Variants in BRD10 observed in about 807,000 individuals in gnomAD.
BRD10 encodes the protein uncharacterized bromodomain-containing protein 10.
chr9:5,937,336 A>G, the BRD10 span, among the ~76,000 whole-genome samples: 1 of 152,100 alleles, frequency 6.6e-6, no homozygotes, highest in African/African-American at 2.4e-5. Flanking sequence ...CAGGGGTTCG[A>G]GACCAGCCTG....
chr9:5,898,409 A>T, the BRD10 span, among the ~76,000 whole-genome samples: 1 of 152,146 alleles, frequency 6.6e-6, no homozygotes. Flanking sequence ...CAATAACAAC[A>T]TTAATCCATT....
the BRD10 span, chr9:5,892,592 G>T: frequency 6.4e-7 from 1 of 1,571,200 alleles, no homozygotes; most frequent in Non-Finnish European, 8.7e-7. Context: ...CCAGTTTGCC[G>T]TTTGCTGACA....
chr9:5,964,709 T>C, the BRD10 span, among the ~76,000 whole-genome samples: 1 of 143,654 alleles, frequency 7.0e-6, no homozygotes, highest in Admixed American at 7.0e-5. Flanking sequence ...ATATACACCA[T>C]GGAATACTAT....
At chr9:5,922,628 T>C in the BRD10 span, 2 of 1,613,964 alleles carry the variant, frequency 1.2e-6, no homozygotes, top group Non-Finnish European at 1.7e-6. Flanking sequence ...TGGTGGCACT[T>C]CTTTTGCAAC....
At chr9:5,912,191 C>T in the BRD10 span, among the ~76,000 whole-genome samples, 1 of 152,254 alleles carries the variant, frequency 6.6e-6, no homozygotes, top group East Asian at 1.9e-4. Flanking sequence ...TGTTGGCATA[C>T]AGAAATGATA....
the BRD10 span, among the ~76,000 whole-genome samples, chr9:5,912,920 A>C: frequency 6.6e-6 from 1 of 152,164 alleles, no homozygotes; most frequent in Non-Finnish European, 1.5e-5. Flanking sequence ...CTGTACAAAT[A>C]ATAGTACTTT....
the BRD10 span, among the ~76,000 whole-genome samples, chr9:5,938,580 G>A: frequency 6.6e-6 from 1 of 152,194 alleles, no homozygotes; most frequent in Non-Finnish European, 1.5e-5. Flanking sequence ...CAAGTTCCTG[G>A]TACTATACAC....
At chr9:5,906,913 GTGCCTTAACAAGAAGA>G in the BRD10 span, 1 of 1,591,220 alleles carries the variant, frequency 6.3e-7, no homozygotes, top group South Asian at 1.1e-5. Context: ...GGCACTCAAT[GTGCCTTAACAAGAAGA>G]TGCCCACAAG....
At chr9:6,005,362 T>C in the BRD10 span, among the ~76,000 whole-genome samples, 1 of 152,056 alleles carries the variant, frequency 6.6e-6, no homozygotes. Context: ...AATACGAAGA[T>C]TAGCCGGGCG....
At chr9:5,917,627 G>C in the BRD10 span, among the ~76,000 whole-genome samples, 1 of 152,192 alleles carries the variant, frequency 6.6e-6, no homozygotes, top group Non-Finnish European at 1.5e-5. Context: ...TGAGGTGGGC[G>C]GATCACCTGA....
the BRD10 span, among the ~76,000 whole-genome samples, chr9:5,916,798 C>T: frequency 6.6e-6 from 1 of 152,006 alleles, no homozygotes; most frequent in Non-Finnish European, 1.5e-5. Context: ...TATCATGAAT[C>T]TTTTCAGGTG....
chr9:5,953,618 A>G, the BRD10 span, among the ~76,000 whole-genome samples: 1 of 151,990 alleles, frequency 6.6e-6, no homozygotes, highest in Non-Finnish European at 1.5e-5. Context: ...TCTAGGCACT[A>G]TTACCATCTC....
the BRD10 span, among the ~76,000 whole-genome samples, chr9:5,917,984 T>C: frequency 1.3e-5 from 2 of 152,228 alleles, no homozygotes; most frequent in African/African-American, 4.8e-5. Context: ...CAAACAGTTT[T>C]GGGTCATTTT....
the BRD10 span, among the ~76,000 whole-genome samples, chr9:5,964,273 G>C: frequency 1.4e-5 from 2 of 147,444 alleles, no homozygotes; most frequent in Admixed American, 1.3e-4. Context: ...CTCAAAAGAA[G>C]ACATTTATGC....
chr9:5,906,964 A>C, the BRD10 span: 10 of 1,599,974 alleles, frequency 6.3e-6, no homozygotes, highest in Non-Finnish European at 8.5e-6. Flanking sequence ...CGGGACAGCA[A>C]AGTGTCTCTT....
At chr9:5,919,683 T>A in the BRD10 span, 10 of 1,594,656 alleles carry the variant, frequency 6.3e-6, no homozygotes, top group Non-Finnish European at 8.5e-6. Context: ...TTAGTCTAAA[T>A]TCAAGATGCA....
At chr9:5,974,509 T>C in the BRD10 span, among the ~76,000 whole-genome samples, 1 of 152,136 alleles carries the variant, frequency 6.6e-6, no homozygotes, top group African/African-American at 2.4e-5. Flanking sequence ...GCCCAAACAT[T>C]GTTTCAGTTT....
At chr9:5,921,990 C>A in the BRD10 span, 2 of 1,613,812 alleles carry the variant, frequency 1.2e-6, no homozygotes, top group Non-Finnish European at 1.7e-6. Flanking sequence ...GTTCCAGCTA[C>A]AGGTGAAAAA....
At chr9:5,969,482 A>T in the BRD10 span, 7 of 1,226,318 alleles carry the variant, frequency 5.7e-6, no homozygotes, top group Non-Finnish European at 7.8e-6. Flanking sequence ...AGAGGGTACC[A>T]TAAAATGATA....
Sources: gnomAD v4.1 joint callset for allele counts (sites outside exome capture counted in the v4.1 genomes callset) on GRCh38, gnomAD v4.1.1 for gene constraint, MANE v1.5 for transcripts, NCBI Gene and HGNC (gene_info 2026-07-23, HGNC 2026-07-21) for gene names.